Variants in DCLK2 observed in about 807,000 individuals in gnomAD.
The protein encoded by DCLK2 is serine/threonine-protein kinase DCLK2.
A neutral mutation model predicts 78.4 loss-of-function variants in DCLK2; 31 were observed. That is an observed-to-expected ratio of 0.40 (90% CI 0.30 to 0.53). The LOEUF (loss-of-function observed/expected upper bound fraction) is 0.53. DCLK2 is among the 20% of genes least tolerant of loss of function. The pLI is 0.61. For synonymous variants in DCLK2, 407 were observed against 374.9 expected (o/e 1.09, Z -0.99); for missense variants, 872 against 973.7 (o/e 0.90, Z 1.39).
chr4:150,086,506 ATTTTTTT>A (rs10539678), intron 1 of DCLK2, among the ~76,000 whole-genome samples: 1 of 147,402 alleles, frequency 6.8e-6, no homozygotes, highest in South Asian at 2.2e-4. Flanking sequence ...GATTCTTTTT[ATTTTTTT>A]TTTTTTTTTT....
chr4:150,091,456 T>C (rs1730064269), intron 1 of DCLK2, among the ~76,000 whole-genome samples: 1 of 152,142 alleles, frequency 6.6e-6, no homozygotes, highest in Non-Finnish European at 1.5e-5. Context: ...TTCTCTAAGT[T>C]TGAAGAGTCC....
intron 2 of DCLK2, among the ~76,000 whole-genome samples, chr4:150,119,980 TG>T (rs1322867009): frequency 1.3e-5 from 2 of 152,234 alleles, no homozygotes; most frequent in Admixed American, 6.5e-5. Context: ...TTTTTGGTCA[TG>T]GCTAACTTCT....
chr4:150,100,666 T>C (rs914530220), intron 1 of DCLK2, among the ~76,000 whole-genome samples: 2 of 152,240 alleles, frequency 1.3e-5, no homozygotes, highest in African/African-American at 4.8e-5. Context: ...ACTTTCTCTA[T>C]AAAGTTAAAG....
chr4:150,087,130 A>G (rs931991735), intron 1 of DCLK2, among the ~76,000 whole-genome samples: 1 of 152,212 alleles, frequency 6.6e-6, no homozygotes, highest in African/African-American at 2.4e-5. Flanking sequence ...TCAACAGCCT[A>G]AAGGAGAAGT....
intron 12 of DCLK2, among the ~76,000 whole-genome samples, chr4:150,241,338 G>A (rs543808724): frequency 6.6e-6 from 1 of 152,304 alleles, no homozygotes; most frequent in East Asian, 1.9e-4. Flanking sequence ...ACACTCATTG[G>A]CCTGGCAATC....
chr4:150,096,951 T>C (rs1417286421), intron 1 of DCLK2, among the ~76,000 whole-genome samples: 3 of 152,034 alleles, frequency 2.0e-5, no homozygotes, highest in Admixed American at 6.6e-5. Context: ...CACACTTGTG[T>C]ATAATCCTAT....
chr4:150,103,956 A>G (rs1398234590), intron 2 of DCLK2, among the ~76,000 whole-genome samples: 1 of 152,290 alleles, frequency 6.6e-6, no homozygotes, highest in African/African-American at 2.4e-5. Flanking sequence ...GTACAACACA[A>G]AACACCTTAA....
chr4:150,090,374 C>G (rs1729969048), intron 1 of DCLK2, among the ~76,000 whole-genome samples: 1 of 152,206 alleles, frequency 6.6e-6, no homozygotes, highest in Non-Finnish European at 1.5e-5. Flanking sequence ...CCATTACACT[C>G]CACTCCAGCC....
chr4:150,253,775 A>G, intron 15 of DCLK2: 1 of 985,442 alleles, frequency 1.0e-6, no homozygotes, highest in Non-Finnish European at 1.2e-6. Flanking sequence ...TTCCAGACCA[A>G]CAGCTGGTGA....
At chr4:150,151,068 G>T (rs1371355849) in intron 2 of DCLK2, among the ~76,000 whole-genome samples, 1 of 151,772 alleles carries the variant, frequency 6.6e-6, no homozygotes, top group Non-Finnish European at 1.5e-5. Context: ...CATCCCAGGC[G>T]TCAGACCTCC....
At chr4:150,178,823 T>C (rs555845975) in intron 2 of DCLK2, among the ~76,000 whole-genome samples, 1 of 152,198 alleles carries the variant, frequency 6.6e-6, no homozygotes, top group Non-Finnish European at 1.5e-5. Context: ...AGTTTACTCT[T>C]ATTTTACACT....
At chr4:150,195,150 T>G (rs1439400702) in intron 3 of DCLK2, among the ~76,000 whole-genome samples, 3 of 72,066 alleles carry the variant, frequency 4.2e-5, no homozygotes, top group African/African-American at 1.4e-4. Context: ...ATATATATAT[T>G]ATATATAATA....
At chr4:150,097,009 G>C (rs541728137) in intron 1 of DCLK2, among the ~76,000 whole-genome samples, 2 of 152,120 alleles carry the variant, frequency 1.3e-5, no homozygotes, top group Non-Finnish European at 1.5e-5. Context: ...ACCTCAGCAT[G>C]GGAGGAGAGA....
intron 10 of DCLK2, among the ~76,000 whole-genome samples, chr4:150,235,162 G>A (rs1742394524): frequency 6.6e-6 from 1 of 152,164 alleles, no homozygotes; most frequent in Admixed American, 6.5e-5. Flanking sequence ...AGCAAAGAAG[G>A]TGACTGAGGT....
chr4:150,240,808 C>G (rs1030511798), intron 12 of DCLK2, among the ~76,000 whole-genome samples: 1 of 149,292 alleles, frequency 6.7e-6, no homozygotes, highest in Non-Finnish European at 1.5e-5. Flanking sequence ...CATAAAACAC[C>G]TTTCGCTTTT....
rs144401122 is a variant in DCLK2, at chr4:150,142,805, ATTTT to A, written c.756+40005_756+40008del. Among the ~76,000 whole-genome samples the A allele has an allele frequency of 1.2e-4, 18 of 148,266 alleles. No individual in the cohort carries two copies. In the South Asian group the frequency reaches 3.2e-3, roughly 26 times the overall value. The stretch of plus-strand genomic sequence containing the variant: ...TCCAGTAAGGAAAACTAAAATGCTG[ATTTT>A]TTTTTTTTTTTAATTTTAGACTCAG... On this transcript the variant is annotated intron_variant, in intron 2 of 15. Transcript: ENST00000296550.
At chr4:150,195,020 C>T (rs1738757114) in intron 3 of DCLK2, among the ~76,000 whole-genome samples, 1 of 146,356 alleles carries the variant, frequency 6.8e-6, no homozygotes, top group Non-Finnish European at 1.5e-5. Context: ...TGGACTGGCC[C>T]TATTTCAGCC....
chr4:150,174,997 CAAAAA>C (rs200730503), intron 2 of DCLK2, among the ~76,000 whole-genome samples: 1 of 3,418 alleles, frequency 2.9e-4, no homozygotes, highest in African/African-American at 7.9e-4. Context: ...GACTCCGTCG[CAAAAA>C]AAAAAAAAAA....
At chr4:150,110,747 A>G (rs931067870) in intron 2 of DCLK2, among the ~76,000 whole-genome samples, 6 of 152,142 alleles carry the variant, frequency 3.9e-5, no homozygotes, top group Non-Finnish European at 8.8e-5. Flanking sequence ...TTGGTTTTCT[A>G]TTCCTGAGTT....
Sources: allele counts gnomAD v4.1 joint callset (sites outside exome capture counted in the v4.1 genomes callset), GRCh38; gene constraint gnomAD v4.1.1; transcripts MANE v1.5; gene names NCBI Gene and HGNC (gene_info 2026-07-23, HGNC 2026-07-21).